Variants in USP45 observed in about 807,000 individuals in gnomAD.
The protein encoded by USP45 is ubiquitin carboxyl-terminal hydrolase 45.
USP45 carries 89 observed loss-of-function variants against 95.8 expected under a neutral mutation model. That is an observed-to-expected ratio of 0.93 (90% confidence interval 0.78 to 1.11). The LOEUF is 1.11. Among genes scored for constraint, USP45 ranks in the 50% least tolerant of loss-of-function variants. USP45 has a pLI of 0.00. For synonymous variants in USP45, 281 were observed against 316.2 expected (o/e 0.89, Z 1.18); for missense variants, 898 against 942.5 (o/e 0.95, Z 0.62).
chr6:99,490,649 T>C (rs1389631906), intron 5 of USP45, among the ~76,000 whole-genome samples: 1 of 152,054 alleles, frequency 6.6e-6, no homozygotes, highest in Non-Finnish European at 1.5e-5. Context: ...GGGGGGACTG[T>C]TCATAATAAA....
chr6:99,446,155 T>C lies in USP45; in HGVS notation c.1617A>G (p.Ala539=). The change falls in exon 14 of 18, where the codon GCA becomes GCG. Residue 539 remains alanine (A), a synonymous_variant. Coordinates refer to ENST00000500704, the MANE Select transcript of USP45 (RefSeq NM_001346022.3). ...TCTCCTTGGTGTACAGCAGTTTACC[T>C]GCTGACAGAGGGTAAAGGGGTCCAT... is the stretch of plus-strand genomic sequence containing the variant. ...QPDGPLYPLS[A]GKLLYTKETD... is the part of the protein sequence containing the mutation. 1 of 1,614,210 alleles carries C rather than the reference T, an allele frequency of 6.2e-7. No individual in the cohort carries two copies. Among genetic ancestry groups the C allele is most frequent in the African/African-American group, 1.3e-5 (1 of 75,074 alleles).
At chr6:99,483,673 C>G (rs1792986560) in intron 7 of USP45, among the ~76,000 whole-genome samples, 1 of 150,752 alleles carries the variant, frequency 6.6e-6, no homozygotes, top group South Asian at 2.1e-4. Context: ...CCTGTCTCTA[C>G]TAAAAATACA....
intron 13 of USP45, among the ~76,000 whole-genome samples, chr6:99,450,126 G>A (rs1330661199): frequency 1.3e-5 from 2 of 151,926 alleles, no homozygotes; most frequent in Non-Finnish European, 2.9e-5. Flanking sequence ...AAGAACTAGA[G>A]AAGCAAGAGC....
chr6:99,504,387 G>A (rs148493527), intron 4 of USP45, among the ~76,000 whole-genome samples: 103 of 152,150 alleles, frequency 6.8e-4, no homozygotes, highest in Middle Eastern at 3.4e-3. Context: ...TGATCCACCC[G>A]CCTCGGCCTC....
intron 9 of USP45, among the ~76,000 whole-genome samples, chr6:99,474,873 A>T (rs1583220079): frequency 6.6e-6 from 1 of 152,178 alleles, no homozygotes; most frequent in Non-Finnish European, 1.5e-5. Flanking sequence ...CTCCCAGAAG[A>T]AGTTGAATTT....
At chr6:99,458,461 A>C (rs1418671356) in intron 13 of USP45, among the ~76,000 whole-genome samples, 2 of 152,220 alleles carry the variant, frequency 1.3e-5, no homozygotes, top group African/African-American at 4.8e-5. Context: ...CAGATCCTGC[A>C]ATCCATCCCA....
chr6:99,469,600 C>T (rs978071305), intron 9 of USP45, among the ~76,000 whole-genome samples: 3 of 151,270 alleles, frequency 2.0e-5, no homozygotes, highest in African/African-American at 7.3e-5. Flanking sequence ...CTGCCTCAGC[C>T]TCCCAAGTAC....
rs1183629246 is a variant in USP45 at position 99,507,521 on chromosome 6, T to C, written c.284A>G (p.Lys95Arg). 2 of 1,608,156 alleles carry C rather than the reference T, an allele frequency of 1.2e-6. No individual in the cohort carries two copies. The highest frequency in any genetic ancestry group is 1.7e-6 in the Non-Finnish European group (2 of 1,175,648). The change falls in exon 4 of 18, where the codon AAA (lysine) becomes AGA (arginine). Residue 95 changes from lysine to arginine, a missense_variant. Coordinates refer to ENST00000500704, the MANE Select transcript of USP45 (RefSeq NM_001346022.3). Reference sequence around the variant, plus strand: ...CAATGAATGTTGGCTTTCTGAGTTTTTACCACATCCCTGAAGATGAACAGA... The same window carrying C: ...CAATGAATGTTGGCTTTCTGAGTTTCTACCACATCCCTGAAGATGAACAGA... ...CLKCGFQGCG[K>R]NSESQHSLKH...
At chr6:99,451,363 A>G (rs896395886) in intron 13 of USP45, among the ~76,000 whole-genome samples, 1 of 152,176 alleles carries the variant, frequency 6.6e-6, no homozygotes, top group African/African-American at 2.4e-5. Context: ...AACGTGCAAA[A>G]ATCACAAGCA....
At chr6:99,437,094 C>CTCAATCAA (rs112767733) in intron 17 of USP45, 152 bp downstream of exon 17, 197,330 of 761,036 alleles carry the variant, frequency 0.26, 31,536 homozygotes, top group Middle Eastern at 0.35. Flanking sequence ...GAGACTCTGT[C>CTCAATCAA]TCAATCAATC....
chr6:99,483,211 C>T (rs902629822), intron 7 of USP45, among the ~76,000 whole-genome samples: 1 of 151,916 alleles, frequency 6.6e-6, no homozygotes, highest in Non-Finnish European at 1.5e-5. Flanking sequence ...TACCACTCCA[C>T]GAATAATCAT....
chr6:99,466,632 G>T, intron 11 of USP45, 40 bp downstream of exon 11: 1 of 1,464,466 alleles, frequency 6.8e-7, no homozygotes, highest in Non-Finnish European at 9.5e-7. Flanking sequence ...TGATGTGATT[G>T]TAATCCATTC....
intron 13 of USP45, among the ~76,000 whole-genome samples, chr6:99,458,996 C>A (rs1018437845): frequency 6.6e-6 from 1 of 152,068 alleles, no homozygotes; most frequent in Non-Finnish European, 1.5e-5. Flanking sequence ...ATTTTTTCAA[C>A]TTTTATTTTA....
At chr6:99,492,776 G>A (rs1216637025) in intron 5 of USP45, among the ~76,000 whole-genome samples, 1 of 152,120 alleles carries the variant, frequency 6.6e-6, no homozygotes, top group African/African-American at 2.4e-5. Flanking sequence ...ATAGGAGTGA[G>A]GCCCCGCACT....
At position 99,439,867 on chromosome 6, in the gene USP45, C is replaced by A; in HGVS notation, c.2074-12G>T. The A allele has an allele frequency of 6.3e-7, 1 of 1,582,202 alleles. No homozygotes were observed. Among genetic ancestry groups the A allele is most frequent in the Non-Finnish European group, 8.6e-7 (1 of 1,166,426 alleles). On this transcript the variant is annotated splice_polypyrimidine_tract_variant and intron_variant, in intron 15 of 17. Coordinates refer to ENST00000500704, the MANE Select transcript of USP45 (RefSeq NM_001346022.3). ...AGACTCAAGCCAGCCTTAAAAAGACCAAAACATTTTTGAAATGCAACAATT... is the reference window on the plus strand; with the variant it reads ...AGACTCAAGCCAGCCTTAAAAAGACAAAAACATTTTTGAAATGCAACAATT...
chr6:99,496,010 T>C (rs1198833107), intron 5 of USP45, among the ~76,000 whole-genome samples: 10 of 152,194 alleles, frequency 6.6e-5, no homozygotes, highest in Admixed American at 4.6e-4. Context: ...TAAAAATAGG[T>C]TGTTTTTAAA....
At position 99,485,175 on chromosome 6, in the gene USP45, C is replaced by CAA. The variant is rs1190400783; in HGVS notation, c.715-2294_715-2293dup. Among the ~76,000 whole-genome samples, 410 of 88,694 alleles carry CAA rather than the reference C, an allele frequency of 4.6e-3. 5 individuals are homozygous for CAA. Among genetic ancestry groups the CAA allele is most frequent in the South Asian group, 0.015 (40 of 2,718 alleles). 58.2% of individuals were successfully genotyped at this position (88,694 alleles called of 152,430 possible). A position where few individuals can be genotyped will look rare whatever the true frequency, so the allele number is the denominator to read the frequency against. On this transcript the variant is annotated intron_variant, in intron 7 of 17. Coordinates refer to ENST00000500704, the MANE Select transcript of USP45 (RefSeq NM_001346022.3). ...CAAAACCCTGTCTCCACTAAAAATA[C>CAA]AAAAAAAAAAAAAAAAAAAATTAGC...
chr6:99,455,637 T>A (rs1784872505), intron 13 of USP45, among the ~76,000 whole-genome samples: 1 of 151,884 alleles, frequency 6.6e-6, no homozygotes, highest in Non-Finnish European at 1.5e-5. Context: ...TAAGTGTCCA[T>A]CAGTAGATGA....
intron 11 of USP45, among the ~76,000 whole-genome samples, chr6:99,466,446 G>C (rs577717863): frequency 7.9e-5 from 12 of 152,242 alleles, no homozygotes; most frequent in African/African-American, 2.9e-4. Flanking sequence ...CCTCATAGGT[G>C]TGTCATGAGG....
Sources: allele counts gnomAD v4.1 joint callset (sites outside exome capture counted in the v4.1 genomes callset), GRCh38; gene constraint gnomAD v4.1.1; transcripts MANE v1.5; gene names NCBI Gene and HGNC (gene_info 2026-07-23, HGNC 2026-07-21).